RNF19B: variants seen among roughly 807,000 people sequenced by gnomAD.
RNF19B encodes the protein ring finger protein 19B.
Under a neutral mutation model 65.5 loss-of-function variants are expected in RNF19B, and 23 were observed. The observed-to-expected ratio is 0.35, with a 90% CI of 0.25 to 0.50. The LOEUF is 0.50. Among genes scored for constraint, RNF19B ranks in the 20% least tolerant of loss-of-function variants. The pLI is 0.98. For missense variants in RNF19B, 794 were observed against 980.0 expected (o/e 0.81, Z 2.53); for synonymous variants, 372 against 379.6 (o/e 0.98, Z 0.23).
At chr1:32,942,495 A>G in intron 6 of RNF19B, 36 bp from the exon 7 acceptor site, 1 of 1,575,032 alleles carries the variant, frequency 6.3e-7, no homozygotes, top group Non-Finnish European at 8.7e-7. Flanking sequence ...TCAAGACAGC[A>G]GAGCATCAAA....
rs545690519 is a variant in RNF19B, at chr1:32,957,931, T to A, written c.635+6120A>T. Among the ~76,000 whole-genome samples the A allele has an allele frequency of 1.5e-3, 226 of 152,360 alleles. 1 individual carries two copies. The highest frequency in any genetic ancestry group is 9.5e-3 in the South Asian group (46 of 4,828). ...CTTCCTCTGAGAACTATGCTGCTCA[T>A]ATTTCTTATCTTTTTCATCAAAATT... is the stretch of plus-strand genomic sequence containing the variant. On this transcript the variant is annotated intron_variant, in intron 1 of 8. Coordinates refer to ENST00000235150, the MANE Select transcript of RNF19B (RefSeq NM_001300826.2).
chr1:32,957,718 C>T (rs1195369304), intron 1 of RNF19B, among the ~76,000 whole-genome samples: 1 of 152,164 alleles, frequency 6.6e-6, no homozygotes, highest in Admixed American at 6.5e-5. Context: ...CCTGTAATCC[C>T]AGATACTTGG....
chr1:32,963,824 C>T (rs949891361), intron 1 of RNF19B, among the ~76,000 whole-genome samples: 5 of 152,248 alleles, frequency 3.3e-5, no homozygotes, highest in Admixed American at 6.5e-5. Context: ...TGGACAGCTC[C>T]CTTCCCCTCA....
intron 1 of RNF19B, among the ~76,000 whole-genome samples, chr1:32,956,024 G>T (rs775148055): frequency 2.4e-4 from 36 of 152,174 alleles, no homozygotes; most frequent in Non-Finnish European, 3.4e-4. Flanking sequence ...GAACCCAAGA[G>T]TTCAAGACCA....
chr1:32,930,683 C>A, the RNF19B span, among the ~76,000 whole-genome samples: 2 of 152,200 alleles, frequency 1.3e-5, no homozygotes, highest in Non-Finnish European at 2.9e-5. Flanking sequence ...GCTGGGATTA[C>A]AAGCATCAGC....
intron 7 of RNF19B, 91 bp from the exon 8 acceptor site, chr1:32,938,619 T>C (rs147512210): frequency 7.4e-7 from 1 of 1,346,808 alleles, no homozygotes; most frequent in East Asian, 2.3e-5. Context: ...ATTACTCTCT[T>C]GCAAATTGTG....
downstream of RNF19B, among the ~76,000 whole-genome samples, chr1:32,931,614 G>A (rs1341123992): frequency 6.6e-6 from 1 of 152,234 alleles, no homozygotes; most frequent in African/African-American, 2.4e-5. Flanking sequence ...AACTTATGTT[G>A]TATGTAATTC....
chr1:32,947,484 C>T (rs558589728), intron 3 of RNF19B, among the ~76,000 whole-genome samples: 4 of 152,014 alleles, frequency 2.6e-5, no homozygotes, highest in African/African-American at 9.7e-5. Flanking sequence ...CATGGTGAAA[C>T]CCCGCCTCCA....
chr1:32,952,525 A>C (rs192983132), intron 1 of RNF19B, among the ~76,000 whole-genome samples: 1 of 150,766 alleles, frequency 6.6e-6, no homozygotes, highest in East Asian at 1.9e-4. Flanking sequence ...GGCAAGTCAC[A>C]AGGTCAGGAG....
chr1:32,964,393 TCCGCCG>T lies in RNF19B; in HGVS notation c.287_292del (p.Ala96_Ala97del). The T allele has an allele frequency of 1.5e-6, 2 of 1,304,714 alleles. No individual in the cohort carries two copies. Among genetic ancestry groups the T allele is most frequent in the Admixed American group, 3.6e-5 (1 of 28,138 alleles). The allele number at this position is 1,304,714 out of a possible 1,614,324, so 80.8% of individuals were successfully genotyped here. A position where few individuals can be genotyped will look rare whatever the true frequency, so the allele number is the denominator to read the frequency against. On this transcript the variant is annotated inframe_deletion, in exon 1 of 9. Transcript: ENST00000235150. The surrounding 1 kb of genome is among the most constrained non-coding windows in gnomAD (Gnocchi z 6.5). ...CGCCTCCTCATCGTCGAACCCAGGC[TCCGCCG>T]CCGCCGCCGCGGCCTCCGCCTCGGC...
In RNF19B at chr1:32,938,526, A is replaced by G; in HGVS notation, c.1613T>C (p.Leu538Ser). Residue 538 changes from leucine to serine, a missense_variant and splice_region_variant, in exon 8 of 9, where the codon TTA becomes TCA. Leu to Ser is a moderately radical substitution (Grantham distance 145). This residue lies in a region of RNF19B where 368 missense variants were observed against 447.3 expected (regional missense o/e 0.82). Coordinates refer to ENST00000235150, the MANE Select transcript of RNF19B (RefSeq NM_001300826.2). ...LSSGKGKYSR[L>S]EVQADVQKEI... ...CTTTTGGACATCGGCTTGAACTTCT[A>G]ACCTGTGTAAAGAGGGGACGTTCAA... 3.7e-6 allele frequency: 6 copies of G among 1,614,044 alleles called. No individual in the cohort carries two copies. The highest frequency in any genetic ancestry group is 5.1e-6 in the Non-Finnish European group (6 of 1,179,956).
At chr1:32,932,680 G>GC (rs1462196716), downstream of RNF19B, among the ~76,000 whole-genome samples, 1 of 152,144 alleles carries the variant, frequency 6.6e-6, no homozygotes, top group Admixed American at 6.5e-5. Flanking sequence ...CGCAAGCACT[G>GC]CATCTGTCTG....
chr1:32,936,010 A>G (rs1164568959), downstream of RNF19B, among the ~76,000 whole-genome samples: 1 of 152,096 alleles, frequency 6.6e-6, no homozygotes, highest in Non-Finnish European at 1.5e-5. Flanking sequence ...CGGCCTCCCA[A>G]AGTGCTGGGA....
At chr1:32,955,183 T>C (rs1642605860) in intron 1 of RNF19B, among the ~76,000 whole-genome samples, 1 of 152,120 alleles carries the variant, frequency 6.6e-6, no homozygotes, top group African/African-American at 2.4e-5. Context: ...TACTGGTTCA[T>C]GCTCAAAATA....
intron 1 of RNF19B, among the ~76,000 whole-genome samples, chr1:32,957,246 C>A (rs1642660411): frequency 6.6e-6 from 1 of 152,110 alleles, no homozygotes. Context: ...CTCAACTAAT[C>A]CTCCCACCTC....
chr1:32,931,204 G>A, the RNF19B span, among the ~76,000 whole-genome samples: 2 of 151,986 alleles, frequency 1.3e-5, no homozygotes, highest in African/African-American at 4.8e-5. Flanking sequence ...TATCTTCCTG[G>A]TCCAACATCT....
At chr1:32,934,965 T>TG (rs1182653289), downstream of RNF19B, among the ~76,000 whole-genome samples, 4 of 151,570 alleles carry the variant, frequency 2.6e-5, no homozygotes, top group Admixed American at 6.6e-5. Flanking sequence ...CCCGAGTAGC[T>TG]GGACTACAGG....
chr1:32,963,320 T>C (rs1299440783), intron 1 of RNF19B, among the ~76,000 whole-genome samples: 2 of 152,200 alleles, frequency 1.3e-5, no homozygotes. Context: ...ATGCTAAGTC[T>C]GTCCCTAGCC....
At position 32,949,680 on chromosome 1, in the gene RNF19B, T is replaced by G; in HGVS notation, c.730A>C (p.Ile244Leu). The change falls in exon 2 of 9, where the codon ATA (isoleucine) becomes CTA (leucine). Residue 244 changes from isoleucine (I) to leucine (L), a missense_variant. Ile to Leu is a conservative substitution (Grantham distance 5). Around this residue, in one of 3 missense-constraint regions of RNF19B, gnomAD observed 374 missense variants for 423.8 expected, o/e 0.88. Coordinates refer to ENST00000235150, the MANE Select transcript of RNF19B (RefSeq NM_001300826.2). ...QTEFCYHCKQIWHPNQTCDMA... is the reference protein window; with the variant it reads ...QTEFCYHCKQLWHPNQTCDMA... ...TCGCATGTCTGATTTGGATGCCATATCTGCTTGCAGTGGTAGCAGAACTCA... is the reference window on the plus strand; with the variant it reads ...TCGCATGTCTGATTTGGATGCCATAGCTGCTTGCAGTGGTAGCAGAACTCA... 6.2e-7 allele frequency: 1 copy of G among 1,613,942 alleles called. No homozygotes were observed. The highest frequency in any genetic ancestry group is 8.5e-7 in the Non-Finnish European group (1 of 1,179,998).
Sources: gnomAD v4.1 joint callset for allele counts (sites outside exome capture counted in the v4.1 genomes callset) on GRCh38, gnomAD v4.1.1 for gene constraint, gnomAD v4.1.1 regional missense constraint, Gnocchi (gnomAD v3.1) non-coding constraint, MANE v1.5 for transcripts, NCBI Gene and HGNC (gene_info 2026-07-23, HGNC 2026-07-21) for gene names.